Variants in VPS13C observed in about 807,000 individuals in gnomAD.
VPS13C encodes vacuolar protein sorting 13 homolog C.
A neutral mutation model predicts 456.8 loss-of-function variants in VPS13C; 358 were observed. The observed-to-expected ratio is 0.78, with a 90% confidence interval of 0.72 to 0.86. The LOEUF is 0.86. Among genes scored for constraint, VPS13C ranks in the 40% least tolerant of loss-of-function variants. The pLI is 0.00. For synonymous variants in VPS13C, 1,578 were observed against 1,486.7 expected, an observed-to-expected ratio of 1.06 and a Z score of -1.41; for missense variants, 4,818 against 4,385.4, an observed-to-expected ratio of 1.10 and a Z score of -2.79.
At chr15:62,017,232 G>A (rs1023801357) in intron 9 of VPS13C, among the ~76,000 whole-genome samples, 2 of 152,128 alleles carry the variant, frequency 1.3e-5, no homozygotes, top group African/African-American at 4.8e-5. Flanking sequence ...CCATTCTGTA[G>A]GTTGCCTATT....
intron 66 of VPS13C, among the ~76,000 whole-genome samples, chr15:61,891,982 G>T (rs1272151800): frequency 6.6e-6 from 1 of 152,128 alleles, no homozygotes; most frequent in Non-Finnish European, 1.5e-5. Flanking sequence ...GCCTCTCCCC[G>T]AATCTGCCTG....
chr15:61,897,399 G>C (rs1429161173), intron 66 of VPS13C, among the ~76,000 whole-genome samples: 1 of 152,168 alleles, frequency 6.6e-6, no homozygotes, highest in Non-Finnish European at 1.5e-5. Flanking sequence ...ATACAGAGAA[G>C]TGATTAAAGG....
Position 61,929,722 on chromosome 15 carries a change from T to C in VPS13C, c.6065A>G (p.Asp2022Gly). The C allele has an allele frequency of 6.2e-7, 1 of 1,612,596 alleles. No individual in the cohort carries two copies. The highest frequency in any genetic ancestry group is 2.2e-5 in the East Asian group (1 of 44,842). Residue 2022 changes from aspartate (D) to glycine (G), a missense_variant, in exon 51 of 85, where the codon GAT becomes GGT. Physicochemically the swap from Asp to Gly is moderately conservative, Grantham distance 94 (BLOSUM62 -1). This residue lies in a region of VPS13C where 4,552 missense variants were observed against 4,130.6 expected (regional missense o/e 1.10). Coordinates refer to ENST00000644861, the MANE Select transcript of VPS13C (RefSeq NM_020821.3). ...SRMIDRKNDQ[D>G]NNSSMIDISY... ...TATATCAATCATAGAACTGTTGTTA[T>C]CTTGGTCATTCTTTCTGTCAATCAT...
chr15:61,888,460 T>C (rs1440751736), intron 67 of VPS13C, among the ~76,000 whole-genome samples: 2 of 152,148 alleles, frequency 1.3e-5, no homozygotes, highest in South Asian at 2.1e-4. Flanking sequence ...CCTTCAATAG[T>C]TGAATGGATA....
At chr15:61,870,132 A>G (rs1359855804) in intron 79 of VPS13C, among the ~76,000 whole-genome samples, 2 of 152,238 alleles carry the variant, frequency 1.3e-5, no homozygotes, top group Non-Finnish European at 2.9e-5. Flanking sequence ...ATTAGCTTTT[A>G]GTATGTTCAG....
chr15:61,909,238 C>A, intron 64 of VPS13C, 113 bp from the exon 65 acceptor site: 2 of 1,337,878 alleles, frequency 1.5e-6, no homozygotes, highest in South Asian at 1.4e-5. Context: ...GAGACAGAGT[C>A]TTGCTGTCAC....
intron 28 of VPS13C, among the ~76,000 whole-genome samples, chr15:61,967,998 A>C (rs997495311): frequency 3.9e-5 from 6 of 152,038 alleles, no homozygotes; most frequent in African/African-American, 1.4e-4. Flanking sequence ...GAGAGCTTAA[A>C]ATTTTCCCTT....
chr15:61,940,029 T>G (rs138241718), intron 47 of VPS13C, among the ~76,000 whole-genome samples: 133 of 151,832 alleles, frequency 8.8e-4, no homozygotes, highest in African/African-American at 3.1e-3. Flanking sequence ...TTATCAAATA[T>G]ACACATTTGC....
rs567845256 is a variant in VPS13C, at chr15:61,871,052, G to A, written c.10624+937C>T. 5.3e-5 allele frequency among the ~76,000 whole-genome samples: 8 copies of A among 151,822 alleles called. No individual in the cohort carries two copies. The South Asian group carries it at 1.5e-3, about 28-fold the overall frequency. On this transcript the variant is annotated intron_variant, in intron 79 of 84. Transcript: ENST00000644861. Reference sequence around the variant, plus strand: ...TGCAAAAATTTTCTTCCATTCTGTGGGCTGTCTTTTCCCTGTCTTCATGGT... The same window carrying A: ...TGCAAAAATTTTCTTCCATTCTGTGAGCTGTCTTTTCCCTGTCTTCATGGT...
intron 79 of VPS13C, among the ~76,000 whole-genome samples, chr15:61,870,026 T>C (rs1894897036): frequency 6.6e-6 from 1 of 152,092 alleles, no homozygotes; most frequent in Non-Finnish European, 1.5e-5. Flanking sequence ...TTTCAAGGAG[T>C]GTGCTTTTAA....
chr15:61,906,657 T>A (rs2043160773), intron 66 of VPS13C: 1 of 153,060 alleles, frequency 6.5e-6, no homozygotes. Context: ...TCTTTCATCA[T>A]GGATTTTATT....
chr15:62,038,070 T>C (rs1399625855), intron 3 of VPS13C, among the ~76,000 whole-genome samples: 2 of 151,990 alleles, frequency 1.3e-5, no homozygotes, highest in Non-Finnish European at 2.9e-5. Flanking sequence ...GGTGATAAAG[T>C]TGGGAGAAAG....
intron 28 of VPS13C, among the ~76,000 whole-genome samples, chr15:61,968,765 T>C (rs969041666): frequency 6.6e-6 from 1 of 152,156 alleles, no homozygotes; most frequent in African/African-American, 2.4e-5. Flanking sequence ...TTTATTTTTA[T>C]AATCTGGTGT....
At chr15:62,020,739 A>G (rs1393024244) in intron 8 of VPS13C, among the ~76,000 whole-genome samples, 2 of 152,002 alleles carry the variant, frequency 1.3e-5, no homozygotes, top group East Asian at 1.9e-4. Context: ...TATGCTACCA[A>G]TAAGATCCTT....
chr15:62,001,330 T>A (rs1315236420), intron 15 of VPS13C, among the ~76,000 whole-genome samples: 2 of 152,230 alleles, frequency 1.3e-5, no homozygotes, highest in Non-Finnish European at 2.9e-5. Context: ...ATAACTACGC[T>A]TTTTCTAATA....
intron 3 of VPS13C, 39 bp downstream of exon 3, chr15:62,041,285 A>G (rs1244162209): frequency 6.3e-7 from 1 of 1,575,384 alleles, no homozygotes; most frequent in Non-Finnish European, 8.6e-7. Flanking sequence ...AGAAAACAAT[A>G]GGACCAAGAA....
In VPS13C at chr15:62,037,273, A is replaced by T. The variant is rs8023519; in HGVS notation, c.188-2221T>A. On this transcript the variant is annotated intron_variant, in intron 3 of 84. Coordinates refer to ENST00000644861, the MANE Select transcript of VPS13C (RefSeq NM_020821.3). ...TATATTTATATATATTATATTATAT[A>T]ATATATTATATATATTATATTATAT... Among the ~76,000 whole-genome samples the T allele has an allele frequency of 3.0e-3, 209 of 69,030 alleles. 7 individuals are homozygous for T. The highest frequency in any genetic ancestry group is 0.011 in the African/African-American group (190 of 17,094). The allele number at this position is 69,030 out of a possible 152,430, so 45.3% of individuals were successfully genotyped here.
At chr15:61,863,549 T>G in intron 81 of VPS13C, 21 bp from the exon 82 acceptor site, 1 of 1,573,922 alleles carries the variant, frequency 6.4e-7, no homozygotes, top group Non-Finnish European at 8.7e-7. Context: ...AACCAGGCTC[T>G]AGATTTGGGA....
At position 61,881,482 on chromosome 15, in the gene VPS13C, T is replaced by C. The variant is rs578021452; in HGVS notation, c.9776+81A>G. 7 of 1,403,594 alleles carry C rather than the reference T, an allele frequency of 5.0e-6. No homozygotes were observed. In the South Asian group the frequency reaches 8.7e-5, roughly 17 times the overall value. The allele number at this position is 1,403,594 out of a possible 1,614,324, so 86.9% of individuals were successfully genotyped here. On this transcript the variant is annotated intron_variant, in intron 71 of 84. Transcript: ENST00000644861. ...AAAATACTTTTTACATGAAAGTCACTTTCAAAAAGAGTAAGATTTATTTTC... is the reference window on the plus strand; with the variant it reads ...AAAATACTTTTTACATGAAAGTCACCTTCAAAAAGAGTAAGATTTATTTTC...
Sources: allele counts gnomAD v4.1 joint callset (sites outside exome capture counted in the v4.1 genomes callset), GRCh38; gene constraint gnomAD v4.1.1; regional missense constraint gnomAD v4.1.1; transcripts MANE v1.5; gene names NCBI Gene and HGNC (gene_info 2026-07-23, HGNC 2026-07-21).